The following ROBO1 variants were observed in gnomAD, a reference collection of about 807,000 sequenced individuals.
ROBO1 encodes roundabout guidance receptor 1.
In ROBO1, 149 loss-of-function variants were observed where a neutral mutation model predicts 195.9. The ratio of observed to expected loss-of-function variants is 0.76; its 90% CI spans 0.67 to 0.87. The LOEUF is 0.87. Ranked by LOEUF, ROBO1 falls within the 40% of genes least tolerant of loss-of-function variation. ROBO1 has a pLI of 0.00. For missense variants in ROBO1, 1,933 were observed against 2,068.3 expected (o/e 0.93, Z 1.27); for synonymous variants, 816 against 733.2 (o/e 1.11, Z -1.82).
chr3:79,461,747 C>T (rs79128880), intron 2 of ROBO1, among the ~76,000 whole-genome samples: 1,761 of 152,186 alleles, frequency 0.012, 28 homozygotes, highest in African/African-American at 0.039. Flanking sequence ...AACTAAGATG[C>T]CATGCAACAA....
chr3:79,220,226 A>G (rs1002887536), intron 2 of ROBO1, among the ~76,000 whole-genome samples: 1 of 152,072 alleles, frequency 6.6e-6, no homozygotes, highest in African/African-American at 2.4e-5. Flanking sequence ...TTATTTTATG[A>G]ACAAACAAAT....
At chr3:78,770,474 T>C (rs1559837405) in intron 4 of ROBO1, among the ~76,000 whole-genome samples, 1 of 152,212 alleles carries the variant, frequency 6.6e-6, no homozygotes, top group Non-Finnish European at 1.5e-5. Flanking sequence ...AATAAGACTA[T>C]TTGCTTTTTG....
At chr3:79,312,953 C>T (rs540794054) in intron 2 of ROBO1, among the ~76,000 whole-genome samples, 10 of 152,176 alleles carry the variant, frequency 6.6e-5, no homozygotes, top group Non-Finnish European at 1.3e-4. Flanking sequence ...ATTAGCTCAA[C>T]GTTGCCATTT....
Position 78,670,219 on chromosome 3 carries a change from G to A in ROBO1, c.1425C>T (p.Ser475=). The A allele has an allele frequency of 1.2e-6, 2 of 1,607,716 alleles. No homozygotes were observed. Among genetic ancestry groups the A allele is most frequent in the Non-Finnish European group, 1.7e-6 (2 of 1,176,752 alleles). The part of the protein sequence containing the change: ...TVAVDGTFVL[S]CVATGSPVPT... ...GCACTGGACTGCCTGTGGCCACACA[G>A]CTGAGGACGAAAGTGCCATCCACGG... The change falls in exon 11 of 31, where the codon AGC becomes AGT. Residue 475 remains serine (S), a synonymous_variant. Coordinates refer to ENST00000464233, the MANE Select transcript of ROBO1 (RefSeq NM_002941.4).
At chr3:79,620,722 C>T (rs1301689056) in intron 1 of ROBO1, among the ~76,000 whole-genome samples, 2 of 151,994 alleles carry the variant, frequency 1.3e-5, no homozygotes, top group Non-Finnish European at 2.9e-5. Flanking sequence ...TACCTTTACT[C>T]CCTCCTTGGC....
At position 78,673,286 on chromosome 3, in the gene ROBO1, C is replaced by T. The variant is rs561275648; in HGVS notation, c.1343-2985G>A. Among the ~76,000 whole-genome samples, 3 of 151,024 alleles carry T rather than the reference C, an allele frequency of 2.0e-5. No individual in the cohort carries two copies. The East Asian group carries it at 5.9e-4, about 30-fold the overall frequency. On this transcript the variant is annotated intron_variant, in intron 10 of 30. Transcript: ENST00000464233. ...GTGCCTGGCCCTAGGTAAGCTTATC[C>T]TATAACTTGTTATTAGTCACTGTAG... is the stretch of plus-strand genomic sequence containing the variant.
intron 4 of ROBO1, among the ~76,000 whole-genome samples, chr3:78,881,673 A>G (rs2036189619): frequency 6.6e-6 from 1 of 152,146 alleles, no homozygotes; most frequent in Non-Finnish European, 1.5e-5. Context: ...AGAAATAAAA[A>G]CTGGCAGATT....
At chr3:78,769,151 C>T (rs2083304242) in intron 4 of ROBO1, among the ~76,000 whole-genome samples, 1 of 152,104 alleles carries the variant, frequency 6.6e-6, no homozygotes, top group South Asian at 2.1e-4. Context: ...CTAGTGCTGT[C>T]AGTGGAGTAT....
At chr3:78,841,018 C>T (rs35556205) in intron 4 of ROBO1, among the ~76,000 whole-genome samples, 32,035 of 149,982 alleles carry the variant, frequency 0.21, 3,965 homozygotes, top group Non-Finnish European at 0.28. Context: ...GCCAAGATCA[C>T]GCCACTGCAC....
intron 3 of ROBO1, among the ~76,000 whole-genome samples, chr3:79,015,771 A>C (rs2077916491): frequency 1.3e-5 from 2 of 152,206 alleles, no homozygotes; most frequent in Non-Finnish European, 2.9e-5. Context: ...AATAGATAAA[A>C]GGCTATGAGA....
At chr3:79,309,933 A>C (rs1576956606) in intron 2 of ROBO1, among the ~76,000 whole-genome samples, 1 of 152,212 alleles carries the variant, frequency 6.6e-6, no homozygotes, top group East Asian at 1.9e-4. Flanking sequence ...ACAACTCTGA[A>C]TCATGTCTAA....
rs908800652 is a variant in ROBO1 at position 78,965,807 on chromosome 3, A to G, written c.173-26880T>C. On this transcript the variant is annotated intron_variant, in intron 3 of 30. Coordinates refer to ENST00000464233, the MANE Select transcript of ROBO1 (RefSeq NM_002941.4). ...AAAAATTCTGGGTTCTTACCCTCTAATCCAGCATTGTCAAATATAACTTTC... is the reference window on the plus strand; with the variant it reads ...AAAAATTCTGGGTTCTTACCCTCTAGTCCAGCATTGTCAAATATAACTTTC... 3.9e-5 allele frequency among the ~76,000 whole-genome samples: 6 copies of G among 152,170 alleles called. No individual in the cohort carries two copies. The South Asian group carries it at 8.3e-4, about 21-fold the overall frequency.
At chr3:79,529,377 A>T (rs1168552906) in intron 2 of ROBO1, among the ~76,000 whole-genome samples, 1 of 152,104 alleles carries the variant, frequency 6.6e-6, no homozygotes, top group East Asian at 1.9e-4. Context: ...AGTCCCAGCT[A>T]TTGGGGAGGC....
chr3:79,549,976 T>A (rs796978339), intron 2 of ROBO1, among the ~76,000 whole-genome samples: 17 of 151,596 alleles, frequency 1.1e-4, no homozygotes, highest in African/African-American at 4.1e-4. Context: ...AAATTAAAAA[T>A]TAGCTGGACT....
chr3:79,726,695 C>T (rs1325734063), intron 1 of ROBO1, among the ~76,000 whole-genome samples: 1 of 152,152 alleles, frequency 6.6e-6, no homozygotes, highest in Non-Finnish European at 1.5e-5. Context: ...CAAGGCTTTG[C>T]TGGTGCTTTT....
chr3:78,658,364 C>T (rs1813058), intron 17 of ROBO1, among the ~76,000 whole-genome samples: 108,617 of 152,070 alleles, frequency 0.71, 39,009 homozygotes, highest in Middle Eastern at 0.78. Flanking sequence ...AATCTTGGCT[C>T]ACTGCAGCCT....
At chr3:79,669,919 T>G (rs1206783356) in intron 1 of ROBO1, among the ~76,000 whole-genome samples, 1 of 151,920 alleles carries the variant, frequency 6.6e-6, no homozygotes, top group East Asian at 1.9e-4. Flanking sequence ...TTACGGTTTT[T>G]GCACTTTACT....
chr3:79,342,604 A>G (rs1034355464), intron 2 of ROBO1, among the ~76,000 whole-genome samples: 3 of 152,140 alleles, frequency 2.0e-5, no homozygotes, highest in African/African-American at 4.8e-5. Context: ...GAAGTTTGAG[A>G]ACTTCTGGCC....
At chr3:79,725,844 G>C (rs907062500) in intron 1 of ROBO1, among the ~76,000 whole-genome samples, 1 of 151,766 alleles carries the variant, frequency 6.6e-6, no homozygotes, top group Non-Finnish European at 1.5e-5. Context: ...ACCAGGACAG[G>C]TTAAGGGTCT....
Sources: allele counts gnomAD v4.1 joint callset (sites outside exome capture counted in the v4.1 genomes callset), GRCh38; gene constraint gnomAD v4.1.1; transcripts MANE v1.5; gene names NCBI Gene and HGNC (gene_info 2026-07-23, HGNC 2026-07-21).